The following RBFOX1 variants were observed in gnomAD, a reference collection of about 807,000 sequenced individuals.
The protein encoded by RBFOX1 is RNA binding fox-1 homolog 1, also known as RNA binding protein fox-1 homolog 1.
A neutral mutation model predicts 57.7 loss-of-function variants in RBFOX1; 8 were observed. That is an observed-to-expected ratio of 0.14 (90% CI 0.08 to 0.25). The LOEUF (loss-of-function observed/expected upper bound fraction) is 0.25. Ranked by LOEUF, RBFOX1 falls within the 10% of genes least tolerant of loss-of-function variation. RBFOX1 has a pLI of 1.00. For missense variants in RBFOX1, 611 were observed against 548.5 expected (o/e 1.11, Z -1.14); for synonymous variants, 326 against 222.4 (o/e 1.47, Z -4.15).
At chr16:6,417,091 A>T (rs972763506) in intron 2 of RBFOX1, among the ~76,000 whole-genome samples, 2 of 152,092 alleles carry the variant, frequency 1.3e-5, no homozygotes, top group Non-Finnish European at 2.9e-5. Flanking sequence ...GGCTCACTGC[A>T]TCCTCTGCCT....
At position 7,351,284 on chromosome 16, in the gene RBFOX1, C is replaced by T. The variant is rs573558737; in HGVS notation, c.28-166863C>T. ...CATTCGTACCTAAAATAGAGGGAAA[C>T]TTTTCTATGTCAAAGGGTAGTAGAA... On this transcript the variant is annotated intron_variant, in intron 4 of 15. Coordinates refer to ENST00000550418, the MANE Select transcript of RBFOX1 (RefSeq NM_018723.4). 2.2e-3 allele frequency among the ~76,000 whole-genome samples: 330 copies of T among 152,352 alleles called. 2 individuals carry two copies. The highest frequency in any genetic ancestry group is 7.3e-3 in the African/African-American group (302 of 41,592).
intron 1 of RBFOX1, among the ~76,000 whole-genome samples, chr16:5,466,409 C>A (rs1014797530): frequency 6.6e-6 from 1 of 152,026 alleles, no homozygotes; most frequent in African/African-American, 2.4e-5. Flanking sequence ...TGGGTCCTGA[C>A]CCAACGGAGG....
At chr16:6,738,079 TAAA>T (rs60577324) in intron 3 of RBFOX1, among the ~76,000 whole-genome samples, 1 of 140,236 alleles carries the variant, frequency 7.1e-6, no homozygotes, top group Non-Finnish European at 1.5e-5. Context: ...CGGTAATTCT[TAAA>T]AAAAAAAAAA....
At chr16:6,241,469 A>C (rs1394710514) in intron 1 of RBFOX1, among the ~76,000 whole-genome samples, 2 of 152,180 alleles carry the variant, frequency 1.3e-5, no homozygotes, top group Admixed American at 6.5e-5. Context: ...GCTAAAAAAA[A>C]ATCAGACATG....
At chr16:7,057,586 T>C (rs2052757385) in intron 4 of RBFOX1, among the ~76,000 whole-genome samples, 1 of 152,216 alleles carries the variant, frequency 6.6e-6, no homozygotes, top group Admixed American at 6.5e-5. Context: ...TTAGTCTGGA[T>C]CAGTTGTTCA....
chr16:5,609,902 A>G (rs997158496), intron 3 of RBFOX1, among the ~76,000 whole-genome samples: 2 of 152,188 alleles, frequency 1.3e-5, no homozygotes, highest in Non-Finnish European at 2.9e-5. Context: ...CAAAACCGAC[A>G]TCAGCATAAT....
At chr16:6,173,915 A>G (rs1255982705) in intron 1 of RBFOX1, among the ~76,000 whole-genome samples, 2 of 151,918 alleles carry the variant, frequency 1.3e-5, no homozygotes, top group African/African-American at 2.4e-5. Context: ...TTTACTAATT[A>G]TGAGTCAGAG....
intron 4 of RBFOX1, among the ~76,000 whole-genome samples, chr16:7,068,087 T>G (rs1338131306): frequency 6.6e-6 from 1 of 151,942 alleles, no homozygotes; most frequent in East Asian, 1.9e-4. Context: ...GTTTCTCTCC[T>G]GCTTTTAAGG....
At chr16:5,356,220 A>T (rs1400329422) in intron 1 of RBFOX1, among the ~76,000 whole-genome samples, 1 of 152,178 alleles carries the variant, frequency 6.6e-6, no homozygotes, top group African/African-American at 2.4e-5. Flanking sequence ...AGCCACCAGG[A>T]GCCAGGAGGG....
intron 2 of RBFOX1, among the ~76,000 whole-genome samples, chr16:6,621,228 T>G (rs11865414): frequency 0.31 from 46,380 of 152,012 alleles, 7,387 homozygotes; most frequent in African/African-American, 0.37. Context: ...TTGGGAGGCC[T>G]AGGCCGGCGG....
intron 1 of RBFOX1, chr16:5,366,614 A>G (rs749239015): frequency 9.8e-6 from 4 of 408,666 alleles, no homozygotes; most frequent in East Asian, 6.5e-5. Flanking sequence ...AAGTTCATCA[A>G]TTATGTGAAG....
At chr16:5,896,142 G>A (rs2058158738) in intron 4 of RBFOX1, among the ~76,000 whole-genome samples, 1 of 152,132 alleles carries the variant, frequency 6.6e-6, no homozygotes, top group Non-Finnish European at 1.5e-5. Context: ...ATCTGATCCT[G>A]GATGGATCCC....
At chr16:7,133,416 C>T (rs1324301609) in intron 4 of RBFOX1, among the ~76,000 whole-genome samples, 1 of 152,000 alleles carries the variant, frequency 6.6e-6, no homozygotes, top group Non-Finnish European at 1.5e-5. Flanking sequence ...CATGTTTTTC[C>T]AAAGAGAAGT....
intron 3 of RBFOX1, among the ~76,000 whole-genome samples, chr16:5,706,212 T>G (rs989595325): frequency 6.6e-6 from 1 of 152,172 alleles, no homozygotes; most frequent in Admixed American, 6.5e-5. Flanking sequence ...CTCCCGGCCA[T>G]GTTGCTTTTT....
chr16:6,890,194 A>G (rs1451056102), intron 3 of RBFOX1, among the ~76,000 whole-genome samples: 1 of 152,206 alleles, frequency 6.6e-6, no homozygotes. Context: ...ACACTGCTGT[A>G]AGCCTTTTGG....
At chr16:6,871,763 C>T (rs2060924886) in intron 3 of RBFOX1, among the ~76,000 whole-genome samples, 1 of 152,096 alleles carries the variant, frequency 6.6e-6, no homozygotes, top group African/African-American at 2.4e-5. Flanking sequence ...GCTGAAATTT[C>T]TACTCTACCT....
At chr16:5,358,777 A>G (rs1156364931) in intron 1 of RBFOX1, among the ~76,000 whole-genome samples, 2 of 152,246 alleles carry the variant, frequency 1.3e-5, no homozygotes, top group Non-Finnish European at 2.9e-5. Flanking sequence ...CGGTGAGCCG[A>G]GATCGCGCCA....
At chr16:7,454,669 A>C (rs9935962) in intron 4 of RBFOX1, among the ~76,000 whole-genome samples, 60,349 of 152,098 alleles carry the variant, frequency 0.4, 12,288 homozygotes, top group Non-Finnish European at 0.45. Flanking sequence ...ATTTGGATAG[A>C]ACTTGAGAAG....
At position 7,421,838 on chromosome 16, in the gene RBFOX1, G is replaced by A. The variant is rs1266765563; in HGVS notation, c.28-96309G>A. Among the ~76,000 whole-genome samples, 3 of 152,208 alleles carry A rather than the reference G, an allele frequency of 2.0e-5. No homozygotes were observed. In the South Asian group the frequency reaches 6.2e-4, roughly 32 times the overall value. On this transcript the variant is annotated intron_variant, in intron 4 of 15. Transcript: ENST00000550418. Reference sequence around the variant, plus strand: ...GGGCACTGAATTATATTTTGTAAGGGCATGCAAATAGAGAGTGTTCATTTC... The same window carrying A: ...GGGCACTGAATTATATTTTGTAAGGACATGCAAATAGAGAGTGTTCATTTC...
Sources: gnomAD v4.1 joint callset for allele counts (sites outside exome capture counted in the v4.1 genomes callset) on GRCh38, gnomAD v4.1.1 for gene constraint, MANE v1.5 for transcripts, NCBI Gene and HGNC (gene_info 2026-07-23, HGNC 2026-07-21) for gene names.